Variants in MECOM observed in about 807,000 individuals in gnomAD.
MECOM encodes MDS1 and EVI1 complex locus, also known as histone-lysine N-methyltransferase MECOM.
Under a neutral mutation model 116.3 loss-of-function variants are expected in MECOM, and 13 were observed. The observed-to-expected ratio is 0.11, with a 90% CI of 0.07 to 0.18. The LOEUF is 0.18. MECOM is among the 10% of genes least tolerant of loss of function. The pLI is 1.00. For missense variants in MECOM, 1,299 were observed against 1,509.0 expected (o/e 0.86, Z 2.31); for synonymous variants, 528 against 535.2 (o/e 0.99, Z 0.19).
At chr3:169,618,248 CCA>C (rs1246570264) in intron 1 of MECOM, among the ~76,000 whole-genome samples, 2 of 152,162 alleles carry the variant, frequency 1.3e-5, no homozygotes, top group African/African-American at 2.4e-5. Flanking sequence ...TGAGTTTGAA[CCA>C]CACACACTTC....
chr3:169,657,104 G>A (rs1026744386), intron 1 of MECOM, among the ~76,000 whole-genome samples: 2 of 152,164 alleles, frequency 1.3e-5, no homozygotes. Flanking sequence ...TAGGGAAGGG[G>A]GATCTGTATT....
At chr3:169,297,917 A>G (rs377060168) in intron 2 of MECOM, among the ~76,000 whole-genome samples, 4 of 152,358 alleles carry the variant, frequency 2.6e-5, no homozygotes, top group African/African-American at 9.6e-5. Context: ...GAAACAGAGT[A>G]GGAGAAGTGC....
intron 8 of MECOM, among the ~76,000 whole-genome samples, chr3:169,113,623 AT>A (rs915924994): frequency 6.6e-6 from 1 of 151,890 alleles, no homozygotes; most frequent in Non-Finnish European, 1.5e-5. Context: ...TTGCCATTCT[AT>A]TTTGTATTAA....
At chr3:169,174,265 C>T (rs1744837669) in intron 2 of MECOM, among the ~76,000 whole-genome samples, 1 of 152,114 alleles carries the variant, frequency 6.6e-6, no homozygotes, top group Non-Finnish European at 1.5e-5. Flanking sequence ...GTCTTAGGGA[C>T]CTTTGTCTCT....
intron 2 of MECOM, among the ~76,000 whole-genome samples, chr3:169,321,916 G>A (rs1008413297): frequency 3.3e-5 from 5 of 152,192 alleles, no homozygotes; most frequent in Admixed American, 2.0e-4. Flanking sequence ...ATTTCTTTCT[G>A]AAGAACACAG....
chr3:169,413,961 T>G (rs1383899498), intron 1 of MECOM, among the ~76,000 whole-genome samples: 1 of 152,214 alleles, frequency 6.6e-6, no homozygotes, highest in African/African-American at 2.4e-5. Flanking sequence ...TAAGTGCAGC[T>G]TCAGCAGACT....
At chr3:169,384,286 C>A (rs1560206799) in intron 1 of MECOM, among the ~76,000 whole-genome samples, 1 of 152,116 alleles carries the variant, frequency 6.6e-6, no homozygotes, top group Non-Finnish European at 1.5e-5. Context: ...CTACAAAGCA[C>A]CTTTAAACCT....
rs146085730 is a variant in MECOM, at chr3:169,180,981, T to C, written c.376-37149A>G. ...TAGGAAGTGAAACTAATAAGAGTTATAATAACTGCTGTAACTTTGCTGAGC... is the reference window on the plus strand; with the variant it reads ...TAGGAAGTGAAACTAATAAGAGTTACAATAACTGCTGTAACTTTGCTGAGC... On this transcript the variant is annotated intron_variant, in intron 2 of 16. Transcript: ENST00000651503. Among the ~76,000 whole-genome samples the C allele has an allele frequency of 2.0e-3, 302 of 152,070 alleles. 1 individual carries two copies. Among genetic ancestry groups the C allele is most frequent in the African/African-American group, 7.1e-3 (296 of 41,508 alleles).
At chr3:169,225,830 G>A (rs979743803) in intron 2 of MECOM, among the ~76,000 whole-genome samples, 2 of 152,068 alleles carry the variant, frequency 1.3e-5, no homozygotes, top group African/African-American at 2.4e-5. Flanking sequence ...GGCTGGTCTC[G>A]AAATCCTGAC....
chr3:169,207,673 C>G (rs1286422688), intron 2 of MECOM, among the ~76,000 whole-genome samples: 2 of 152,060 alleles, frequency 1.3e-5, no homozygotes, highest in Non-Finnish European at 2.9e-5. Flanking sequence ...GAGAATGCTT[C>G]CTAGTGCAGG....
chr3:169,526,078 T>C (rs912963484), intron 1 of MECOM, among the ~76,000 whole-genome samples: 1 of 152,026 alleles, frequency 6.6e-6, no homozygotes, highest in Non-Finnish European at 1.5e-5. Context: ...AGTAAAGTTT[T>C]CTCACACAAA....
rs1160773689 is a variant in MECOM at position 169,291,609 on chromosome 3, T to C, written c.375+89578A>G. ...TGTTCCCTCATAAACTAAGTTAAAA[T>C]TTCTAAAACTAAAAGACAAGTTAAT... On this transcript the variant is annotated intron_variant, in intron 2 of 16. Transcript: ENST00000651503. Among the ~76,000 whole-genome samples the C allele has an allele frequency of 2.0e-5, 3 of 152,146 alleles. No individual in the cohort carries two copies. The East Asian group carries it at 5.8e-4, about 29-fold the overall frequency.
At chr3:169,123,577 T>C (rs1224696490) in intron 5 of MECOM, among the ~76,000 whole-genome samples, 1 of 152,006 alleles carries the variant, frequency 6.6e-6, no homozygotes, top group African/African-American at 2.4e-5. Flanking sequence ...GATAATGGAT[T>C]ATGTGATAGA....
At chr3:169,594,305 T>C (rs1457052896) in intron 1 of MECOM, among the ~76,000 whole-genome samples, 1 of 152,148 alleles carries the variant, frequency 6.6e-6, no homozygotes, top group African/African-American at 2.4e-5. Flanking sequence ...TGACCTATTC[T>C]CAATTTTCTA....
intron 2 of MECOM, among the ~76,000 whole-genome samples, chr3:169,365,502 A>G (rs1328473818): frequency 6.6e-6 from 1 of 152,042 alleles, no homozygotes; most frequent in Admixed American, 6.6e-5. Flanking sequence ...TATAGATCCC[A>G]TCTGCTGCTC....
chr3:169,274,774 A>G (rs977748405), intron 2 of MECOM, among the ~76,000 whole-genome samples: 5 of 152,220 alleles, frequency 3.3e-5, no homozygotes, highest in Non-Finnish European at 2.9e-5. Context: ...CAATAGCTAC[A>G]TAGGACTAGC....
At chr3:169,537,721 A>G (rs1471045985) in intron 1 of MECOM, among the ~76,000 whole-genome samples, 1 of 98,994 alleles carries the variant, frequency 1.0e-5, no homozygotes, top group Admixed American at 1.5e-4. Context: ...GAACATTTAA[A>G]AAAAAAAAAA....
chr3:169,612,431 T>G (rs371310597), intron 1 of MECOM, among the ~76,000 whole-genome samples: 3 of 152,272 alleles, frequency 2.0e-5, no homozygotes, highest in East Asian at 3.9e-4. Flanking sequence ...GGCAAAAACA[T>G]CCAAAGTGTA....
At chr3:169,535,981 A>G (rs922307501) in intron 1 of MECOM, among the ~76,000 whole-genome samples, 1 of 152,204 alleles carries the variant, frequency 6.6e-6, no homozygotes, top group Non-Finnish European at 1.5e-5. Flanking sequence ...TGTTAAGAAT[A>G]ACAACTAATA....
Sources: gnomAD v4.1 joint callset for allele counts (sites outside exome capture counted in the v4.1 genomes callset) on GRCh38, gnomAD v4.1.1 for gene constraint, MANE v1.5 for transcripts, NCBI Gene and HGNC (gene_info 2026-07-23, HGNC 2026-07-21) for gene names.